The following ZNF320 variants were observed in gnomAD, a reference collection of about 807,000 sequenced individuals.
ZNF320 encodes the protein zinc finger gene 320.
Under a neutral mutation model 6.8 loss-of-function variants are expected in ZNF320, and 2 were observed. The ratio of observed to expected loss-of-function variants is 0.29; its 90% confidence interval spans 0.12 to 0.93. The LOEUF (loss-of-function observed/expected upper bound fraction) is 0.93. Ranked by LOEUF, ZNF320 falls within the 40% of genes least tolerant of loss-of-function variation. The pLI, the probability that ZNF320 is intolerant of heterozygous loss-of-function variation, is 0.55. For missense variants in ZNF320, 472 were observed against 611.0 expected (o/e 0.77, Z 2.40); for synonymous variants, 208 against 203.2 (o/e 1.02, Z -0.20).
At chr19:52,888,078 A>G in intron 5 of ZNF320, 49 bp downstream of exon 5, 1 of 1,603,460 alleles carries the variant, frequency 6.2e-7, no homozygotes, top group Non-Finnish European at 8.5e-7. Context: ...GAGAAAATAC[A>G]AAGATCCACA....
chr19:52,901,232 T>C (rs2064570281), upstream of ZNF320, among the ~76,000 whole-genome samples: 2 of 152,220 alleles, frequency 1.3e-5, no homozygotes, highest in Admixed American at 1.3e-4. Context: ...TTATAATAAC[T>C]ATAAAATAAT....
At chr19:52,894,491 A>C (rs1280288207) in intron 1 of ZNF320, among the ~76,000 whole-genome samples, 1 of 152,198 alleles carries the variant, frequency 6.6e-6, no homozygotes, top group Non-Finnish European at 1.5e-5. Context: ...GATGGCATGA[A>C]TCCTAAACAT....
At chr19:52,873,888 G>A (rs912650757), downstream of ZNF320, 9 of 326,206 alleles carry the variant, frequency 2.8e-5, no homozygotes, top group African/African-American at 1.1e-4. Flanking sequence ...GTGAGCAAAC[G>A]TGTGAGGCAG....
At chr19:52,861,605 G>A (rs111645119) in exon 6 of ZNF320, among the ~76,000 whole-genome samples, 20 of 152,246 alleles carry the variant, frequency 1.3e-4, no homozygotes, top group African/African-American at 4.6e-4. Flanking sequence ...TTACAGGCAT[G>A]AGCCACCGTG....
At chr19:52,871,465 T>G (rs777402979), downstream of ZNF320, among the ~76,000 whole-genome samples, 67 of 152,150 alleles carry the variant, frequency 4.4e-4, no homozygotes, top group Middle Eastern at 3.4e-3. Flanking sequence ...GTTACAGTGA[T>G]CCAAGACTTT....
intron 5 of ZNF320, among the ~76,000 whole-genome samples, chr19:52,869,393 A>G (rs965546770): frequency 6.6e-6 from 1 of 152,274 alleles, no homozygotes; most frequent in African/African-American, 2.4e-5. Flanking sequence ...AAAAATGAGT[A>G]AAGTCTATGA....
In ZNF320 at chr19:52,880,478, G is replaced by A. The variant is rs2147810200; in HGVS notation, c.*118C>T. On this transcript the variant is annotated 3_prime_UTR_variant, in exon 6 of 6. Transcript: ENST00000682928. ...GGCCTCTCAAAGTGCTGGGATTACA[G>A]GTGTGAGACACCACGCCTGGCCCAA... The A allele has an allele frequency of 9.7e-7, 1 of 1,026,042 alleles. No individual in the cohort carries two copies. Among genetic ancestry groups the A allele is most frequent in the South Asian group, 1.7e-5 (1 of 59,956 alleles). The allele number at this position is 1,026,042 out of a possible 1,614,324, so 63.6% of individuals were successfully genotyped here. A position where few individuals can be genotyped will look rare whatever the true frequency, so the allele number is the denominator to read the frequency against.
intron 5 of ZNF320, among the ~76,000 whole-genome samples, chr19:52,870,689 C>T (rs958853626): frequency 7.2e-5 from 11 of 151,960 alleles, no homozygotes; most frequent in Non-Finnish European, 1.5e-4. Flanking sequence ...TCACTGTAAT[C>T]CAGGAGGCAG....
At chr19:52,866,239 TA>T in intron 5 of ZNF320, among the ~76,000 whole-genome samples, 1 of 146,594 alleles carries the variant, frequency 6.8e-6, no homozygotes, top group Non-Finnish European at 1.5e-5. Flanking sequence ...TATACATATA[TA>T]TATATATAAA....
At chr19:52,896,695 T>A (rs2064484822) in intron 1 of ZNF320, among the ~76,000 whole-genome samples, 1 of 152,088 alleles carries the variant, frequency 6.6e-6, no homozygotes, top group African/African-American at 2.4e-5. Context: ...GGCAACAGAG[T>A]GAGACCCCAT....
rs201776705 is a variant in ZNF320 at position 52,866,240 on chromosome 19, A to T, written c.224-2081T>A. Among the ~76,000 whole-genome samples, 23 of 145,186 alleles carry T rather than the reference A, an allele frequency of 1.6e-4. 1 individual carries two copies. Among genetic ancestry groups the T allele is most frequent in the East Asian group, 1.4e-3 (7 of 5,068 alleles). On this transcript the variant is annotated intron_variant, in intron 5 of 5. Transcript: ENST00000673631. ...TTTATATATATGATTATACATATAT[A>T]TATATATAAAATCATAAGGCTGGAT...
chr19:52,880,469 G>T lies in ZNF320; in HGVS notation c.*127C>A. 1 of 941,902 alleles carries T rather than the reference G, an allele frequency of 1.1e-6. No homozygotes were observed. Among genetic ancestry groups the T allele is most frequent in the East Asian group, 2.7e-5 (1 of 37,606 alleles). 58.3% of individuals were successfully genotyped at this position (941,902 alleles called of 1,614,324 possible). On this transcript the variant is annotated 3_prime_UTR_variant, in exon 6 of 6. Coordinates refer to ENST00000682928, the MANE Select transcript of ZNF320 (RefSeq NM_001351774.2). ...ACCTGTCTTGGCCTCTCAAAGTGCTGGGATTACAGGTGTGAGACACCACGC... is the reference window on the plus strand; with the variant it reads ...ACCTGTCTTGGCCTCTCAAAGTGCTTGGATTACAGGTGTGAGACACCACGC...
At chr19:52,861,744 A>G (rs527810587) in exon 6 of ZNF320, 2 of 321,888 alleles carry the variant, frequency 6.2e-6, no homozygotes, top group African/African-American at 4.4e-5. Context: ...GGTTTGCTAT[A>G]CTCATTGCCT....
intron 5 of ZNF320, among the ~76,000 whole-genome samples, chr19:52,887,521 A>T (rs1336178788): frequency 1.3e-5 from 2 of 152,212 alleles, no homozygotes; most frequent in East Asian, 3.8e-4. Flanking sequence ...CTATCTTCCA[A>T]GAACTAATGA....
At chr19:52,889,539 GA>G (rs2064218732) in intron 4 of ZNF320, among the ~76,000 whole-genome samples, 1 of 152,140 alleles carries the variant, frequency 6.6e-6, no homozygotes, top group African/African-American at 2.4e-5. Flanking sequence ...CCATATTTGA[GA>G]AAAATTGTAA....
At chr19:52,899,236 ATCC>A (rs549693264), upstream of ZNF320, among the ~76,000 whole-genome samples, 82 of 152,308 alleles carry the variant, frequency 5.4e-4, 1 homozygote, top group South Asian at 0.011. Flanking sequence ...AGAGTTTTAA[ATCC>A]TCCTATTGCT....
upstream of ZNF320, among the ~76,000 whole-genome samples, chr19:52,899,527 G>A (rs558251772): frequency 1.1e-4 from 17 of 152,164 alleles, no homozygotes; most frequent in African/African-American, 3.9e-4. Flanking sequence ...CAGTGGTGCA[G>A]TCTCAGCTCA....
chr19:52,866,869 C>CAAAA, intron 5 of ZNF320, among the ~76,000 whole-genome samples: 421 of 108,274 alleles, frequency 3.9e-3, no homozygotes, highest in East Asian at 6.0e-3. Flanking sequence ...ACAAAACATA[C>CAAAA]AAAAAAAAAA....
upstream of ZNF320, among the ~76,000 whole-genome samples, chr19:52,901,436 C>T (rs1765132790): frequency 2.0e-5 from 3 of 152,148 alleles, no homozygotes; most frequent in Admixed American, 6.6e-5. Context: ...TGCAGCAGGG[C>T]TTGTCATCTT....
Sources: allele counts gnomAD v4.1 joint callset (sites outside exome capture counted in the v4.1 genomes callset), GRCh38; gene constraint gnomAD v4.1.1; transcripts MANE v1.5; gene names NCBI Gene and HGNC (gene_info 2026-07-23, HGNC 2026-07-21).